PTPRB: variants seen among roughly 807,000 people sequenced by gnomAD.
PTPRB encodes protein tyrosine phosphatase receptor type B.
A neutral mutation model predicts 238.1 loss-of-function variants in PTPRB; 97 were observed. That is an observed-to-expected ratio of 0.41 (90% CI 0.35 to 0.48). The LOEUF is 0.48. Among genes scored for constraint, PTPRB ranks in the 20% least tolerant of loss-of-function variants. PTPRB has a pLI of 0.30. For missense variants in PTPRB, 2,292 were observed against 2,681.9 expected (o/e 0.85, Z 3.21); for synonymous variants, 970 against 995.4 (o/e 0.97, Z 0.48).
chr12:70,596,460 GTTAT>G, intron 4 of PTPRB, 133 bp from the exon 5 acceptor site: 1 of 1,011,566 alleles, frequency 9.9e-7, no homozygotes, highest in Non-Finnish European at 1.3e-6. Context: ...TCAAAAATCT[GTTAT>G]TTGTGAAATA....
intron 9 of PTPRB, among the ~76,000 whole-genome samples, chr12:70,582,101 T>C (rs1255134227): frequency 1.3e-5 from 2 of 152,132 alleles, no homozygotes; most frequent in Non-Finnish European, 2.9e-5. Context: ...ATTTATTTCT[T>C]CCAACTTATC....
At chr12:70,549,476 A>T (rs909538819) in intron 21 of PTPRB, among the ~76,000 whole-genome samples, 5 of 152,244 alleles carry the variant, frequency 3.3e-5, no homozygotes, top group Non-Finnish European at 5.9e-5. Context: ...TATGAATCAT[A>T]GGAACCCAAC....
In PTPRB at chr12:70,596,338, A is replaced by AAC; in HGVS notation, c.980-12_980-11insGT. ...CAGGAGGTAAAGGATCTGCAAGGCA[A>AAC]ATACACACACACACACAAAAAAAAA... On this transcript the variant is annotated splice_polypyrimidine_tract_variant and intron_variant, in intron 4 of 33. Transcript: ENST00000334414. 1.4e-6 allele frequency: 2 copies of AAC among 1,455,420 alleles called. No individual in the cohort carries two copies. The highest frequency in any genetic ancestry group is 2.5e-5 in the East Asian group (1 of 40,666). The allele number at this position is 1,455,420 out of a possible 1,614,324, so 90.2% of individuals were successfully genotyped here. A position where few individuals can be genotyped will look rare whatever the true frequency, so the allele number is the denominator to read the frequency against.
chr12:70,540,774 C>T, intron 23 of PTPRB, 84 bp downstream of exon 23: 1 of 978,082 alleles, frequency 1.0e-6, no homozygotes, highest in Non-Finnish European at 1.5e-6. Context: ...ATTATTTTCC[C>T]TTCTTAGTTT....
chr12:70,615,388 C>T (rs1238257184), intron 3 of PTPRB, among the ~76,000 whole-genome samples: 3 of 152,080 alleles, frequency 2.0e-5, no homozygotes, highest in Non-Finnish European at 2.9e-5. Context: ...GTGGGAGTGC[C>T]GGTTACGTCT....
chr12:70,524,302 A>T (rs542022489), intron 33 of PTPRB, among the ~76,000 whole-genome samples, 169 bp downstream of exon 33: 21 of 148,712 alleles, frequency 1.4e-4, no homozygotes, highest in African/African-American at 4.2e-4. Context: ...TTTTGTAGAG[A>T]TAGGATCTCC....
chr12:70,583,459 CT>C (rs1881587608), intron 9 of PTPRB, among the ~76,000 whole-genome samples: 4 of 152,074 alleles, frequency 2.6e-5, no homozygotes, highest in Non-Finnish European at 5.9e-5. Flanking sequence ...CAAATGTAAG[CT>C]TTGATTTTAT....
At chr12:70,529,333 T>A (rs1264113892) in intron 32 of PTPRB, among the ~76,000 whole-genome samples, 1 of 152,118 alleles carries the variant, frequency 6.6e-6, no homozygotes, top group Non-Finnish European at 1.5e-5. Flanking sequence ...GGCAGGTGTA[T>A]GGAGGTGATA....
At chr12:70,552,483 C>CAAAAA (rs60295837) in intron 21 of PTPRB, among the ~76,000 whole-genome samples, 1,665 of 122,254 alleles carry the variant, frequency 0.014, 42 homozygotes, top group African/African-American at 0.055. Flanking sequence ...GACTCTGTCT[C>CAAAAA]AAAAAAAAAA....
At chr12:70,614,638 T>C (rs952869568) in intron 3 of PTPRB, among the ~76,000 whole-genome samples, 5 of 152,160 alleles carry the variant, frequency 3.3e-5, no homozygotes, top group Non-Finnish European at 7.3e-5. Context: ...ATGTTAGACA[T>C]AAGGCCAGTT....
Position 70,558,315 on chromosome 12 carries a change from T to A in PTPRB, c.4714+1028A>T, listed in dbSNP as rs560688790. 3.3e-5 allele frequency among the ~76,000 whole-genome samples: 5 copies of A among 152,320 alleles called. No individual in the cohort carries two copies. The South Asian group carries it at 1.0e-3, about 32-fold the overall frequency. On this transcript the variant is annotated intron_variant, in intron 18 of 33. Coordinates refer to ENST00000334414, the MANE Select transcript of PTPRB (RefSeq NM_001109754.4). ...TCACATATTTCTCTTGACACACAAA[T>A]AACTGCTCTTTGGATACAATGTGGC...
rs1592517407 is a variant in PTPRB at position 70,576,555 on chromosome 12, T to C, written c.2669A>G (p.Asp890Gly). 1.3e-6 allele frequency: 2 copies of C among 1,554,840 alleles called. No homozygotes were observed. The highest frequency in any genetic ancestry group is 2.4e-5 in the East Asian group (1 of 41,284). Residue 890 changes from aspartate to glycine, a missense_variant, in exon 11 of 34, where the codon GAT becomes GGT. Transcript: ENST00000334414. ...ATGAGACAATGTTACCTCATAGTTA[T>C]CCACATCTCCGGGCGCCAGCAGCCA... is the stretch of plus-strand genomic sequence containing the variant. Reference protein sequence around the residue: ...VSWLLAPGDVDNYEVTLSHDG... With the variant: ...VSWLLAPGDVGNYEVTLSHDG...
At chr12:70,539,084 A>G (rs1874636813) in intron 26 of PTPRB, 70 bp from the exon 27 acceptor site, 3 of 1,191,446 alleles carry the variant, frequency 2.5e-6, no homozygotes, top group Admixed American at 3.8e-5. Context: ...ACAGTCCTGG[A>G]GATAACATAA....
chr12:70,547,430 A>G (rs1327815236), intron 21 of PTPRB, among the ~76,000 whole-genome samples: 1 of 152,140 alleles, frequency 6.6e-6, no homozygotes, highest in South Asian at 2.1e-4. Flanking sequence ...CTAATTTATT[A>G]TACATTTGGA....
intron 18 of PTPRB, among the ~76,000 whole-genome samples, chr12:70,556,844 AGAGTG>A (rs1877760367): frequency 6.6e-6 from 1 of 152,196 alleles, no homozygotes; most frequent in Admixed American, 6.5e-5. Context: ...AAACAAAAAG[AGAGTG>A]GAGTGAACAC....
chr12:70,524,400 C>T, intron 33 of PTPRB, 71 bp downstream of exon 33: 1 of 1,481,750 alleles, frequency 6.7e-7, no homozygotes, highest in Non-Finnish European at 9.1e-7. Context: ...CAGGTGTAAG[C>T]CTCTATGCCT....
rs767603222 is a variant in PTPRB, at chr12:70,534,838, A to C, written c.6199T>G (p.Cys2067Gly). 2 of 1,613,720 alleles carry C rather than the reference A, an allele frequency of 1.2e-6. No individual in the cohort carries two copies. The highest frequency in any genetic ancestry group is 2.7e-5 in the African/African-American group (2 of 74,898). ...PEWTIREFKI[C>G]GEEQLDAHRL... ...AGTCAAGCAAGCTAACATACACCGC[A>C]TATCTTAAACTCCCGGATGGTCCAC... The change falls in exon 30 of 34, where the codon TGC (cysteine) becomes GGC (glycine). Residue 2067 changes from cysteine (C) to glycine (G), a missense_variant. Physicochemically the swap from Cys to Gly is radical, Grantham distance 159. Coordinates refer to ENST00000334414, the MANE Select transcript of PTPRB (RefSeq NM_001109754.4).
chr12:70,607,681 C>T (rs1019326983), intron 4 of PTPRB, among the ~76,000 whole-genome samples: 12 of 151,324 alleles, frequency 7.9e-5, no homozygotes, highest in South Asian at 2.1e-4. Flanking sequence ...GGATTACAGG[C>T]GCCCGCCACC....
chr12:70,611,462 TTGTG>T (rs949058759), intron 3 of PTPRB, among the ~76,000 whole-genome samples: 4 of 151,980 alleles, frequency 2.6e-5, no homozygotes, highest in African/African-American at 9.7e-5. Flanking sequence ...CTAATTTTTT[TTGTG>T]TGTGTGTATT....
Sources: allele counts gnomAD v4.1 joint callset (sites outside exome capture counted in the v4.1 genomes callset), GRCh38; gene constraint gnomAD v4.1.1; transcripts MANE v1.5; gene names NCBI Gene and HGNC (gene_info 2026-07-23, HGNC 2026-07-21).